The following ARHGEF3 variants were observed in gnomAD, a reference collection of about 807,000 sequenced individuals.
The protein encoded by ARHGEF3 is Rho guanine nucleotide exchange factor 3.
In ARHGEF3, 28 loss-of-function variants were observed where a neutral mutation model predicts 63.2. The observed-to-expected ratio is 0.44, with a 90% CI of 0.33 to 0.61. The LOEUF (loss-of-function observed/expected upper bound fraction) is 0.61, where lower values mean the gene tolerates loss of function less well. Ranked by LOEUF, ARHGEF3 falls within the 20% of genes least tolerant of loss-of-function variation. The pLI, the probability that ARHGEF3 is intolerant of heterozygous loss-of-function variation, is 0.03. For synonymous variants in ARHGEF3, 266 were observed against 254.2 expected, an observed-to-expected ratio of 1.05 and a Z score of -0.44; for missense variants, 533 against 659.3, an observed-to-expected ratio of 0.81 and a Z score of 2.10.
At chr3:56,957,850 TG>T (rs1398551014) in intron 3 of ARHGEF3, among the ~76,000 whole-genome samples, 1 of 152,172 alleles carries the variant, frequency 6.6e-6, no homozygotes, top group African/African-American at 2.4e-5. Flanking sequence ...TCTCTACAGA[TG>T]CAAGTTTTGC....
intron 2 of ARHGEF3, among the ~76,000 whole-genome samples, chr3:56,768,696 G>A (rs1385188343): frequency 2.1e-5 from 3 of 146,016 alleles, no homozygotes; most frequent in Non-Finnish European, 3.0e-5. Flanking sequence ...AGAAGATGAC[G>A]ACAAAATCCA....
intron 3 of ARHGEF3, among the ~76,000 whole-genome samples, chr3:56,906,317 T>C (rs1230217165): frequency 6.6e-6 from 1 of 152,216 alleles, no homozygotes; most frequent in Non-Finnish European, 1.5e-5. Flanking sequence ...ACGGAGCAGA[T>C]AGAAAACATT....
At chr3:56,826,763 G>A (rs114926299) in intron 4 of ARHGEF3, among the ~76,000 whole-genome samples, 3,095 of 152,206 alleles carry the variant, frequency 0.02, 42 homozygotes, top group Non-Finnish European at 0.03. Context: ...CAGACTAAAG[G>A]TCTTCTAACT....
chr3:56,976,570 G>A (rs1701134742), intron 2 of ARHGEF3, among the ~76,000 whole-genome samples: 1 of 152,160 alleles, frequency 6.6e-6, no homozygotes, highest in African/African-American at 2.4e-5. Flanking sequence ...TTAAAAGTGG[G>A]TCCTCAGATA....
At chr3:56,909,788 A>T (rs1438883233) in intron 3 of ARHGEF3, among the ~76,000 whole-genome samples, 1 of 152,168 alleles carries the variant, frequency 6.6e-6, no homozygotes, top group Non-Finnish European at 1.5e-5. Context: ...ATACACACTC[A>T]GTAAATGTGG....
At chr3:56,969,773 A>G (rs1578989754) in intron 2 of ARHGEF3, among the ~76,000 whole-genome samples, 1 of 150,738 alleles carries the variant, frequency 6.6e-6, no homozygotes, top group Non-Finnish European at 1.5e-5. Flanking sequence ...AAGAAAGAAA[A>G]AGAAAAGAAA....
chr3:57,078,075 G>A (rs114980089), intron 1 of ARHGEF3, among the ~76,000 whole-genome samples: 4,412 of 152,292 alleles, frequency 0.029, 97 homozygotes, highest in Admixed American at 0.044. Flanking sequence ...GATTTACCCT[G>A]CCCCAGTCAG....
intron 2 of ARHGEF3, among the ~76,000 whole-genome samples, chr3:57,023,713 C>G (rs570812055): frequency 6.6e-6 from 1 of 152,300 alleles, no homozygotes; most frequent in Admixed American, 6.5e-5. Context: ...CACACACTGC[C>G]CCTTCCACAT....
intron 4 of ARHGEF3, among the ~76,000 whole-genome samples, chr3:56,817,265 G>A (rs898505342): frequency 6.6e-6 from 1 of 152,188 alleles, no homozygotes; most frequent in African/African-American, 2.4e-5. Context: ...CTACCACATA[G>A]TAATAATTTC....
chr3:57,072,252 C>T (rs919200635), intron 1 of ARHGEF3, among the ~76,000 whole-genome samples: 6 of 152,096 alleles, frequency 3.9e-5, no homozygotes, highest in African/African-American at 1.4e-4. Flanking sequence ...CCTAGCAATT[C>T]CACTGCTAGA....
intron 4 of ARHGEF3, among the ~76,000 whole-genome samples, chr3:56,850,132 T>G (rs1256438123): frequency 6.6e-6 from 1 of 152,306 alleles, no homozygotes; most frequent in East Asian, 1.9e-4. Context: ...TCCCACATCA[T>G]CCATCACATG....
At chr3:56,902,999 GT>G (rs2041566896) in intron 3 of ARHGEF3, among the ~76,000 whole-genome samples, 1 of 152,052 alleles carries the variant, frequency 6.6e-6, no homozygotes, top group South Asian at 2.1e-4. Context: ...CAGTGTCCCA[GT>G]TTTTTCCTCC....
intron 2 of ARHGEF3, among the ~76,000 whole-genome samples, chr3:57,026,833 C>G (rs1447890361): frequency 6.6e-6 from 1 of 152,232 alleles, no homozygotes; most frequent in Non-Finnish European, 1.5e-5. Context: ...CTGCCAGGCC[C>G]TTAAGCCTTT....
intron 2 of ARHGEF3, among the ~76,000 whole-genome samples, chr3:57,001,914 A>AT (rs1702203779): frequency 7.0e-5 from 8 of 114,104 alleles, no homozygotes; most frequent in South Asian, 3.2e-4. Context: ...AAAGTGAGAT[A>AT]GTTTTTTTTT....
At chr3:57,049,525 G>A (rs527503254) in intron 1 of ARHGEF3, among the ~76,000 whole-genome samples, 171 of 152,290 alleles carry the variant, frequency 1.1e-3, no homozygotes, top group African/African-American at 3.4e-3. Context: ...CCAGGGTTGC[G>A]TATGTGTCTG....
At chr3:56,822,915 T>C (rs1403027480) in intron 4 of ARHGEF3, among the ~76,000 whole-genome samples, 1 of 151,394 alleles carries the variant, frequency 6.6e-6, no homozygotes, top group Non-Finnish European at 1.5e-5. Flanking sequence ...CATGTGGTTA[T>C]GTTGTTTTTA....
At chr3:56,729,831 C>T (rs2032995389) in intron 9 of ARHGEF3, among the ~76,000 whole-genome samples, 2 of 139,690 alleles carry the variant, frequency 1.4e-5, no homozygotes, top group Admixed American at 7.0e-5. Context: ...GTTCAGCTGC[C>T]CTCGTCGCTC....
intron 9 of ARHGEF3, chr3:56,731,962 G>C: frequency 1.7e-6 from 1 of 580,146 alleles, no homozygotes; most frequent in Non-Finnish European, 3.1e-6. Context: ...GGGAACTTAA[G>C]GAGCACTAAC....
At chr3:56,861,844 A>G (rs777840605) in intron 4 of ARHGEF3, among the ~76,000 whole-genome samples, 9 of 148,902 alleles carry the variant, frequency 6.0e-5, no homozygotes, top group Non-Finnish European at 1.2e-4. Flanking sequence ...CTAAAAGTGA[A>G]TGAAGCCTTC....
Sources: allele counts gnomAD v4.1 joint callset (sites outside exome capture counted in the v4.1 genomes callset), GRCh38; gene constraint gnomAD v4.1.1; transcripts MANE v1.5; gene names NCBI Gene and HGNC (gene_info 2026-07-23, HGNC 2026-07-21).